The following WDPCP variants were observed in gnomAD, a reference collection of about 807,000 sequenced individuals.
WDPCP encodes WD repeat-containing and planar cell polarity effector protein fritz homolog.
Under a neutral mutation model 93.1 loss-of-function variants are expected in WDPCP, and 71 were observed. The observed-to-expected ratio is 0.76, with a 90% CI of 0.63 to 0.93. The LOEUF (loss-of-function observed/expected upper bound fraction) is 0.93. Ranked by LOEUF, WDPCP falls within the 40% of genes least tolerant of loss-of-function variation. The pLI, the probability that WDPCP is intolerant of heterozygous loss-of-function variation, is 0.00. For missense variants in WDPCP, 844 were observed against 887.4 expected, an observed-to-expected ratio of 0.95 and a Z score of 0.62; for synonymous variants, 315 against 315.0, an observed-to-expected ratio of 1.00 and a Z score of 0.00.
intron 2 of WDPCP, among the ~76,000 whole-genome samples, chr2:63,673,833 T>G (rs1165820419): frequency 6.6e-6 from 1 of 152,186 alleles, no homozygotes; most frequent in Non-Finnish European, 1.5e-5. Flanking sequence ...CATAAGGACT[T>G]GGCACTCTGC....
At chr2:63,815,846 A>G (rs550129955) in intron 1 of WDPCP, among the ~76,000 whole-genome samples, 1 of 152,210 alleles carries the variant, frequency 6.6e-6, no homozygotes, top group East Asian at 1.9e-4. Context: ...AACAAAAGAC[A>G]CAATGGAGTC....
intron 6 of WDPCP, among the ~76,000 whole-genome samples, chr2:63,464,852 A>C (rs1699239493): frequency 6.6e-6 from 1 of 152,038 alleles, no homozygotes; most frequent in Non-Finnish European, 1.5e-5. Context: ...ATAGAAACAG[A>C]AAGTAGAATG....
chr2:63,394,129 T>A (rs989421211), intron 10 of WDPCP, among the ~76,000 whole-genome samples: 3 of 152,162 alleles, frequency 2.0e-5, no homozygotes, highest in African/African-American at 7.2e-5. Context: ...GAGAAGATAT[T>A]TGCAAATTAT....
At chr2:63,695,286 T>C (rs1018465563) in intron 2 of WDPCP, among the ~76,000 whole-genome samples, 4 of 152,212 alleles carry the variant, frequency 2.6e-5, no homozygotes, top group African/African-American at 9.6e-5. Flanking sequence ...AGACTACATA[T>C]GCTTCATATA....
At chr2:63,410,744 C>G (rs1488667213) in intron 9 of WDPCP, among the ~76,000 whole-genome samples, 3 of 152,144 alleles carry the variant, frequency 2.0e-5, no homozygotes, top group Admixed American at 6.5e-5. Flanking sequence ...GGTAGCTATT[C>G]TTATATCAGA....
intron 14 of WDPCP, among the ~76,000 whole-genome samples, chr2:63,239,810 A>C (rs1239573361): frequency 6.6e-6 from 1 of 152,188 alleles, no homozygotes; most frequent in Non-Finnish European, 1.5e-5. Flanking sequence ...TTTTAAAGGC[A>C]GTATCTAAGA....
At chr2:63,280,734 C>T (rs1346894609) in intron 13 of WDPCP, among the ~76,000 whole-genome samples, 3 of 152,190 alleles carry the variant, frequency 2.0e-5, no homozygotes, top group Non-Finnish European at 4.4e-5. Flanking sequence ...GAGGAAAGGA[C>T]ACCCGTTTCA....
intron 12 of WDPCP, among the ~76,000 whole-genome samples, chr2:63,355,947 G>C (rs1272692070): frequency 2.0e-5 from 3 of 152,026 alleles, no homozygotes; most frequent in Non-Finnish European, 4.4e-5. Context: ...ATGTAACCAA[G>C]CCAAATGCCC....
intron 13 of WDPCP, among the ~76,000 whole-genome samples, chr2:63,308,483 G>C (rs1685922282): frequency 6.6e-6 from 1 of 152,146 alleles, no homozygotes; most frequent in South Asian, 2.1e-4. Flanking sequence ...GCAAAGACTT[G>C]GAACCAACCC....
intron 2 of WDPCP, among the ~76,000 whole-genome samples, chr2:63,728,445 G>A (rs1330476009): frequency 6.6e-6 from 1 of 152,178 alleles, no homozygotes; most frequent in East Asian, 1.9e-4. Flanking sequence ...TGAGAGTGAA[G>A]GGGCCTCCTT....
chr2:63,380,079 G>C (rs1459104529), intron 11 of WDPCP, among the ~76,000 whole-genome samples: 1 of 152,052 alleles, frequency 6.6e-6, no homozygotes, highest in African/African-American at 2.4e-5. Flanking sequence ...AATCTTACAA[G>C]ACAAATTCAC....
chr2:63,227,523 T>G (rs554325868), intron 14 of WDPCP, among the ~76,000 whole-genome samples: 1 of 151,998 alleles, frequency 6.6e-6, no homozygotes, highest in Non-Finnish European at 1.5e-5. Flanking sequence ...ACCACACAAC[T>G]AATCTGTAAC....
chr2:63,398,791 C>T (rs183438213), intron 10 of WDPCP, among the ~76,000 whole-genome samples: 1 of 151,934 alleles, frequency 6.6e-6, no homozygotes, highest in Non-Finnish European at 1.5e-5. Flanking sequence ...CTCATAAATG[C>T]TCCCTAGTGG....
intron 14 of WDPCP, among the ~76,000 whole-genome samples, chr2:63,178,566 T>C (rs1361338418): frequency 1.3e-5 from 2 of 152,152 alleles, no homozygotes; most frequent in Admixed American, 1.3e-4. Flanking sequence ...CTCTTTCACT[T>C]TTGATTTTAG....
chr2:63,458,263 G>A (rs1553399289), intron 6 of WDPCP, among the ~76,000 whole-genome samples: 1 of 147,012 alleles, frequency 6.8e-6, no homozygotes, highest in Non-Finnish European at 1.5e-5. Flanking sequence ...ATTCGAATTG[G>A]AAAACAGAAT....
At chr2:63,427,182 G>A (rs1220639281) in intron 9 of WDPCP, among the ~76,000 whole-genome samples, 2 of 151,982 alleles carry the variant, frequency 1.3e-5, no homozygotes, top group African/African-American at 2.4e-5. Context: ...GATCATCAAG[G>A]CAGAAAATTA....
At chr2:63,415,373 G>C (rs962393985) in intron 9 of WDPCP, among the ~76,000 whole-genome samples, 1 of 151,910 alleles carries the variant, frequency 6.6e-6, no homozygotes, top group Non-Finnish European at 1.5e-5. Context: ...AAAAAACAAA[G>C]GAAAATACTT....
At chr2:63,621,783 G>C (rs1228683974) in intron 3 of WDPCP, among the ~76,000 whole-genome samples, 1 of 152,134 alleles carries the variant, frequency 6.6e-6, no homozygotes, top group African/African-American at 2.4e-5. Flanking sequence ...AAGAAAGGTC[G>C]GGTTACCCAA....
rs992797472 is a variant in WDPCP, at chr2:63,362,238, T to C, written c.1748+16148A>G. ...ATGAGGTATTGTTACATGCATATCC[T>C]GGTAAAATCGGTAGAATCCCTTTTT... On this transcript the variant is annotated intron_variant, in intron 12 of 17. Coordinates refer to ENST00000272321, the MANE Select transcript of WDPCP (RefSeq NM_015910.7). Among the ~76,000 whole-genome samples the C allele has an allele frequency of 3.4e-5, 5 of 146,142 alleles. No individual in the cohort carries two copies. The Admixed American group carries it at 3.5e-4, about 10-fold the overall frequency.
Sources: allele counts gnomAD v4.1 joint callset (sites outside exome capture counted in the v4.1 genomes callset), GRCh38; gene constraint gnomAD v4.1.1; transcripts MANE v1.5; gene names NCBI Gene and HGNC (gene_info 2026-07-23, HGNC 2026-07-21).